The following CRPPA variants were observed in gnomAD, a reference collection of about 807,000 sequenced individuals.
CRPPA encodes D-ribitol-5-phosphate cytidylyltransferase.
Under a neutral mutation model 52.0 loss-of-function variants are expected in CRPPA, and 43 were observed. The ratio of observed to expected loss-of-function variants is 0.83; its 90% CI spans 0.65 to 1.07. The LOEUF (loss-of-function observed/expected upper bound fraction) is 1.07, where lower values mean the gene tolerates loss of function less well. Among genes scored for constraint, CRPPA ranks in the 50% least tolerant of loss-of-function variants. The probability of loss-of-function intolerance (pLI) is 0.00; values close to 1 mark genes in which losing one functional copy is unlikely to be tolerated. For missense variants in CRPPA, 629 were observed against 551.7 expected (o/e 1.14, Z -1.40); for synonymous variants, 250 against 203.5 (o/e 1.23, Z -1.94).
chr7:16,158,561 T>G, intron 9 of CRPPA, among the ~76,000 whole-genome samples: 1 of 152,130 alleles, frequency 6.6e-6, no homozygotes, highest in Non-Finnish European at 1.5e-5. Flanking sequence ...TTAAGAGATG[T>G]TTTTTATATC....
chr7:16,373,350 G>A (rs1408686954), intron 3 of CRPPA, among the ~76,000 whole-genome samples: 4 of 151,970 alleles, frequency 2.6e-5, no homozygotes, highest in Non-Finnish European at 5.9e-5. Flanking sequence ...GAGTGACCTA[G>A]GCAGAGGAAG....
chr7:16,420,642 C>A (rs1788305501), intron 1 of CRPPA, among the ~76,000 whole-genome samples: 1 of 152,222 alleles, frequency 6.6e-6, no homozygotes, highest in Non-Finnish European at 1.5e-5. Flanking sequence ...ATGAAAAAAA[C>A]GAACACACGC....
chr7:16,125,387 G>C (rs1024455095), intron 9 of CRPPA, among the ~76,000 whole-genome samples: 2 of 151,560 alleles, frequency 1.3e-5, no homozygotes, highest in African/African-American at 4.9e-5. Flanking sequence ...ACCAAGCATA[G>C]TCTCTGTCAT....
rs1428256650 is a variant in CRPPA at position 16,362,544 on chromosome 7, C to A, written c.684+13548G>T. Among the ~76,000 whole-genome samples the A allele has an allele frequency of 3.9e-5, 6 of 152,174 alleles. No homozygotes were observed. In the East Asian group the frequency reaches 5.9e-4, roughly 15 times the overall value. ...CATGTGAATTTTGGAGGGACACATA[C>A]AAACCATAGCAGTCAGAGAAGAAAT... On this transcript the variant is annotated intron_variant, in intron 3 of 9. Coordinates refer to ENST00000407010, the MANE Select transcript of CRPPA (RefSeq NM_001101426.4).
chr7:16,196,741 A>G (rs772106214), intron 9 of CRPPA, among the ~76,000 whole-genome samples: 31 of 152,206 alleles, frequency 2.0e-4, no homozygotes, highest in Non-Finnish European at 1.9e-4. Flanking sequence ...TTAGGTGAGA[A>G]GGCCTATTTC....
intron 5 of CRPPA, 141 bp from the exon 6 acceptor site, chr7:16,278,367 C>A (rs1490015421): frequency 1.7e-6 from 1 of 602,182 alleles, no homozygotes; most frequent in African/African-American, 1.9e-5. Flanking sequence ...GTGGAGTAAT[C>A]TGTGTACACA....
intron 9 of CRPPA, among the ~76,000 whole-genome samples, chr7:16,096,420 T>C (rs1337936607): frequency 2.0e-5 from 3 of 152,070 alleles, no homozygotes; most frequent in Non-Finnish European, 4.4e-5. Flanking sequence ...AAAATGTTGA[T>C]GAAAAATGGA....
chr7:16,126,848 G>C (rs1782590675), intron 9 of CRPPA, among the ~76,000 whole-genome samples: 1 of 152,130 alleles, frequency 6.6e-6, no homozygotes, highest in Non-Finnish European at 1.5e-5. Context: ...AGGAACATCA[G>C]AGTTTTGTCA....
At chr7:16,401,700 C>T (rs2128317596) in intron 2 of CRPPA, among the ~76,000 whole-genome samples, 1 of 152,310 alleles carries the variant, frequency 6.6e-6, no homozygotes, top group South Asian at 2.1e-4. Flanking sequence ...TTCCAACTTA[C>T]TTTACTCTTT....
intron 5 of CRPPA, among the ~76,000 whole-genome samples, chr7:16,300,036 G>T (rs937923273): frequency 6.6e-6 from 1 of 152,104 alleles, no homozygotes; most frequent in Admixed American, 6.5e-5. Context: ...TCATTCAGCC[G>T]ACTTTTCCAG....
At chr7:16,166,484 T>C (rs903544402) in intron 9 of CRPPA, among the ~76,000 whole-genome samples, 1 of 152,146 alleles carries the variant, frequency 6.6e-6, no homozygotes, top group South Asian at 2.1e-4. Context: ...TTCACCTTGT[T>C]GGCCAGGCTA....
In CRPPA at chr7:16,308,571, G is replaced by A. The variant is rs766874682; in HGVS notation, c.741C>T (p.Tyr247=). ...CTACAAGTTTGGCTTTAGTGCAACA[G>A]TATTTTAGGGCCAATTGCAAACACT... The part of the protein sequence containing the change: ...GTECLQLALK[Y]CCTKAKLVEG... The change falls in exon 4 of 10, where the codon TAC becomes TAT. Residue 247 remains tyrosine (Y), a synonymous_variant. Coordinates refer to ENST00000407010, the MANE Select transcript of CRPPA (RefSeq NM_001101426.4). 1 of 1,611,498 alleles carries A rather than the reference G, an allele frequency of 6.2e-7. No homozygotes were observed. Among genetic ancestry groups the A allele is most frequent in the South Asian group, 1.1e-5 (1 of 90,282 alleles).
intron 5 of CRPPA, among the ~76,000 whole-genome samples, chr7:16,296,421 T>G (rs981417479): frequency 6.6e-6 from 1 of 152,186 alleles, no homozygotes; most frequent in Non-Finnish European, 1.5e-5. Flanking sequence ...CAAGTAAATT[T>G]TGGAGTACAA....
chr7:16,322,318 T>G (rs1785281888), intron 3 of CRPPA, among the ~76,000 whole-genome samples: 1 of 152,110 alleles, frequency 6.6e-6, no homozygotes, highest in Admixed American at 6.5e-5. Context: ...TTTACTAACT[T>G]GGGCAAGATA....
chr7:16,292,791 T>C (rs1303594432), intron 5 of CRPPA, among the ~76,000 whole-genome samples: 2 of 151,878 alleles, frequency 1.3e-5, no homozygotes. Flanking sequence ...ATAAGCAAAA[T>C]GATGTATAAA....
At chr7:16,303,178 T>C (rs1385077672) in intron 4 of CRPPA, among the ~76,000 whole-genome samples, 2 of 152,158 alleles carry the variant, frequency 1.3e-5, no homozygotes, top group Non-Finnish European at 2.9e-5. Flanking sequence ...GTTGAATTGC[T>C]TGAACAACTT....
At chr7:16,127,328 G>C (rs1782599961) in intron 9 of CRPPA, among the ~76,000 whole-genome samples, 2 of 151,946 alleles carry the variant, frequency 1.3e-5, no homozygotes, top group Admixed American at 1.3e-4. Context: ...ATGTATCCTT[G>C]TACTTGAGTT....
chr7:16,201,330 C>G (rs1312862927), intron 9 of CRPPA, among the ~76,000 whole-genome samples: 1 of 152,150 alleles, frequency 6.6e-6, no homozygotes, highest in Non-Finnish European at 1.5e-5. Context: ...CTACCAGTTA[C>G]AGATAGAATT....
intron 3 of CRPPA, among the ~76,000 whole-genome samples, chr7:16,324,494 A>G (rs1785334365): frequency 6.6e-6 from 1 of 152,226 alleles, no homozygotes; most frequent in Admixed American, 6.5e-5. Context: ...GGCAAACACC[A>G]ACTCCTCTGG....
Sources: gnomAD v4.1 joint callset for allele counts (sites outside exome capture counted in the v4.1 genomes callset) on GRCh38, gnomAD v4.1.1 for gene constraint, MANE v1.5 for transcripts, NCBI Gene and HGNC (gene_info 2026-07-23, HGNC 2026-07-21) for gene names.